Variants in WDR7 observed in about 807,000 individuals in gnomAD.
WDR7 encodes WD repeat-containing protein 7.
In WDR7, 46 loss-of-function variants were observed where a neutral mutation model predicts 169.4. That is an observed-to-expected ratio of 0.27 (90% CI 0.21 to 0.35). The LOEUF (loss-of-function observed/expected upper bound fraction) is 0.35. Among genes scored for constraint, WDR7 ranks in the 10% least tolerant of loss-of-function variants. The probability of loss-of-function intolerance (pLI) is 1.00; values close to 1 mark genes in which losing one functional copy is unlikely to be tolerated. For missense variants in WDR7, 1,534 were observed against 1,859.3 expected (o/e 0.83, Z 3.22); for synonymous variants, 612 against 666.8 (o/e 0.92, Z 1.27).
intron 20 of WDR7, among the ~76,000 whole-genome samples, chr18:56,866,489 TTTTATC>T: frequency 6.6e-6 from 1 of 152,226 alleles, no homozygotes; most frequent in South Asian, 2.1e-4. Flanking sequence ...TGGAGGAACT[TTTTATC>T]TTTAACATAT....
intron 7 of WDR7, among the ~76,000 whole-genome samples, chr18:56,688,021 G>A (rs919002726): frequency 1.3e-5 from 2 of 152,136 alleles, no homozygotes; most frequent in African/African-American, 4.8e-5. Flanking sequence ...GGGATCACTG[G>A]GGCCCTGTTA....
At chr18:56,690,997 C>T (rs1457641806) in intron 7 of WDR7, among the ~76,000 whole-genome samples, 1 of 152,124 alleles carries the variant, frequency 6.6e-6, no homozygotes, top group African/African-American at 2.4e-5. Flanking sequence ...TAGCCTATTC[C>T]CTGTCCACAG....
At position 56,695,047 on chromosome 18, in the gene WDR7, T is replaced by C; in HGVS notation, c.1206T>C (p.Asn402=). 1 of 1,614,182 alleles carries C rather than the reference T, an allele frequency of 6.2e-7. No individual in the cohort carries two copies. Among genetic ancestry groups the C allele is most frequent in the Non-Finnish European group, 8.5e-7 (1 of 1,180,026 alleles). Residue 402 remains asparagine, a synonymous_variant, in exon 11 of 28, where the codon AAT becomes AAC. Transcript: ENST00000254442. The part of the protein sequence containing the change: ...GIIDQLSVIP[N]SNEPLKVTAS... ...TAGATCAGCTGAGTGTGATTCCCAA[T>C]AGTAATGAACCTCTTAAAGTAACTG...
chr18:56,956,298 C>T (rs150285821), intron 25 of WDR7, among the ~76,000 whole-genome samples: 175 of 152,256 alleles, frequency 1.1e-3, no homozygotes, highest in African/African-American at 3.6e-3. Flanking sequence ...TGAGCTGATG[C>T]CTTCACCAAA....
At chr18:56,675,033 A>T (rs1159146256) in intron 2 of WDR7, among the ~76,000 whole-genome samples, 1 of 152,076 alleles carries the variant, frequency 6.6e-6, no homozygotes, top group Non-Finnish European at 1.5e-5. Context: ...GGTTCTTTGT[A>T]TGTGTTCTTA....
At chr18:56,805,344 C>G (rs1037151328) in intron 19 of WDR7, among the ~76,000 whole-genome samples, 2 of 152,122 alleles carry the variant, frequency 1.3e-5, no homozygotes, top group Non-Finnish European at 2.9e-5. Flanking sequence ...GATCACTTCC[C>G]CAGAATCGGG....
At chr18:56,738,312 G>A (rs1206254325) in intron 14 of WDR7, among the ~76,000 whole-genome samples, 2 of 152,176 alleles carry the variant, frequency 1.3e-5, no homozygotes, top group African/African-American at 2.4e-5. Flanking sequence ...GCTCATGCCT[G>A]TAATCCTAGC....
At chr18:56,935,715 CTG>C (rs931839755) in intron 22 of WDR7, 71 bp from the exon 23 acceptor site, 1 of 1,390,160 alleles carries the variant, frequency 7.2e-7, no homozygotes, top group Non-Finnish European at 1.0e-6. Flanking sequence ...ACATTATAAG[CTG>C]TGTCTAATCT....
chr18:56,923,933 A>T lies in WDR7; in HGVS notation c.3538A>T (p.Thr1180Ser). Reference protein sequence around the residue: ...SLARHTCKALTFLLLQPPSPK... With the variant: ...SLARHTCKALSFLLLQPPSPK... Reference sequence around the variant, plus strand: ...TTCTATAATTTCAGGCAAGGCACTGACGTTTCTTCTGCTACAGCCTCCAAG... The same window carrying T: ...TTCTATAATTTCAGGCAAGGCACTGTCGTTTCTTCTGCTACAGCCTCCAAG... The change falls in exon 22 of 28, where the codon ACG becomes TCG. Residue 1180 changes from threonine to serine, a missense_variant. By Grantham distance (58) the Thr-to-Ser change is moderately conservative. Coordinates refer to ENST00000254442, the MANE Select transcript of WDR7 (RefSeq NM_015285.3). 6.4e-7 allele frequency: 1 copy of T among 1,557,096 alleles called. No homozygotes were observed. The highest frequency in any genetic ancestry group is 8.6e-7 in the Non-Finnish European group (1 of 1,156,778).
At chr18:56,680,775 A>G (rs2025337105) in intron 3 of WDR7, among the ~76,000 whole-genome samples, 1 of 152,208 alleles carries the variant, frequency 6.6e-6, no homozygotes. Context: ...AAAAGTTTGA[A>G]ATTCAGTTGA....
chr18:56,935,076 A>G (rs1016952767), intron 22 of WDR7, among the ~76,000 whole-genome samples: 1 of 152,112 alleles, frequency 6.6e-6, no homozygotes, highest in African/African-American at 2.4e-5. Flanking sequence ...TGACCCTGGC[A>G]TTCTCGGAGT....
intron 1 of WDR7, among the ~76,000 whole-genome samples, chr18:56,653,338 C>G (rs1333617855): frequency 6.6e-6 from 1 of 152,084 alleles, no homozygotes; most frequent in Non-Finnish European, 1.5e-5. Context: ...TCCTGACTAG[C>G]TTGGGATTAC....
rs1424769241 is a variant in WDR7 at position 56,806,610 on chromosome 18, C to T, written c.3191-9421C>T. ...TGCTACCTTCATTCACCGAGTCCCTCCAAGTCATTCTTTACATTGCTACAG... is the reference window on the plus strand; with the variant it reads ...TGCTACCTTCATTCACCGAGTCCCTTCAAGTCATTCTTTACATTGCTACAG... On this transcript the variant is annotated intron_variant, in intron 19 of 27. Coordinates refer to ENST00000254442, the MANE Select transcript of WDR7 (RefSeq NM_015285.3). Among the ~76,000 whole-genome samples, 4 of 152,102 alleles carry T rather than the reference C, an allele frequency of 2.6e-5. No individual in the cohort carries two copies. The East Asian group carries it at 7.7e-4, about 29-fold the overall frequency.
intron 25 of WDR7, among the ~76,000 whole-genome samples, chr18:56,944,272 G>A (rs190310648): frequency 6.4e-4 from 97 of 152,228 alleles, no homozygotes; most frequent in African/African-American, 1.9e-3. Context: ...GATTATAGGC[G>A]TGAGCCACTG....
rs546120232 is a variant in WDR7, at chr18:56,989,957, G to GAGCAAAC, written c.4164+27431_4164+27437dup. On this transcript the variant is annotated intron_variant, in intron 26 of 27. Transcript: ENST00000254442. Reference sequence around the variant, plus strand: ...AGTCTATAGTAAGTGTCCACTAAATGAGCAAACAGGACCATGTAAAACTAA... The same window carrying GAGCAAAC: ...AGTCTATAGTAAGTGTCCACTAAATGAGCAAACAGCAAACAGGACCATGTAAAACTAA... Among the ~76,000 whole-genome samples the GAGCAAAC allele has an allele frequency of 9.9e-5, 15 of 152,258 alleles. No homozygotes were observed. In the East Asian group the frequency reaches 2.7e-3, roughly 27 times the overall value.
intron 26 of WDR7, among the ~76,000 whole-genome samples, chr18:56,995,904 G>A (rs751085489): frequency 1.3e-5 from 2 of 152,160 alleles, no homozygotes; most frequent in Admixed American, 1.3e-4. Context: ...GAGCTATTTT[G>A]TCCATTGTGC....
chr18:56,833,630 G>A (rs1001961161), intron 20 of WDR7, among the ~76,000 whole-genome samples: 2 of 152,158 alleles, frequency 1.3e-5, no homozygotes, highest in African/African-American at 4.8e-5. Flanking sequence ...TGAATTTGGT[G>A]TAGAGAATAT....
chr18:56,899,601 A>C (rs1350807443), intron 21 of WDR7, among the ~76,000 whole-genome samples: 1 of 152,008 alleles, frequency 6.6e-6, no homozygotes, highest in African/African-American at 2.4e-5. Context: ...TGCCCATTGC[A>C]ATTAATTGGT....
At chr18:56,901,559 C>T (rs181870044) in intron 21 of WDR7, among the ~76,000 whole-genome samples, 1 of 152,234 alleles carries the variant, frequency 6.6e-6, no homozygotes, top group East Asian at 1.9e-4. Context: ...CATCGCTTAC[C>T]TAGTACTTCA....
Sources: allele counts gnomAD v4.1 joint callset (sites outside exome capture counted in the v4.1 genomes callset), GRCh38; gene constraint gnomAD v4.1.1; transcripts MANE v1.5; gene names NCBI Gene and HGNC (gene_info 2026-07-23, HGNC 2026-07-21).